CKAP2L: variants seen among roughly 807,000 people sequenced by gnomAD.
The protein encoded by CKAP2L is cytoskeleton-associated protein 2-like.
In CKAP2L, 42 loss-of-function variants were observed where a neutral mutation model predicts 65.7. The observed-to-expected ratio is 0.64, with a 90% CI of 0.50 to 0.83. The LOEUF (loss-of-function observed/expected upper bound fraction) is 0.83, where lower values mean the gene tolerates loss of function less well. Ranked by LOEUF, CKAP2L falls within the 40% of genes least tolerant of loss-of-function variation. The pLI, the probability that CKAP2L is intolerant of heterozygous loss-of-function variation, is 0.00. For synonymous variants in CKAP2L, 325 were observed against 313.5 expected (o/e 1.04, Z -0.39); for missense variants, 908 against 871.0 (o/e 1.04, Z -0.53).
intron 5 of CKAP2L, 94 bp from the exon 6 acceptor site, chr2:112,746,669 G>T: frequency 1.1e-6 from 1 of 925,024 alleles, no homozygotes; most frequent in Admixed American, 2.6e-5. Context: ...TGCAGAAATT[G>T]GTTTGATCAC....
chr2:112,750,077 C>G (rs1233213225), intron 5 of CKAP2L, among the ~76,000 whole-genome samples: 1 of 152,192 alleles, frequency 6.6e-6, no homozygotes, highest in Non-Finnish European at 1.5e-5. Context: ...TCTCCTCCAT[C>G]ATCTGCTGGG....
intron 3 of CKAP2L, among the ~76,000 whole-genome samples, chr2:112,757,875 C>T (rs2104886836): frequency 6.6e-6 from 1 of 152,308 alleles, no homozygotes; most frequent in Middle Eastern, 3.4e-3. Flanking sequence ...TGAAAAAATA[C>T]ATACATAATG....
intron 3 of CKAP2L, among the ~76,000 whole-genome samples, chr2:112,760,202 T>C (rs1036365075): frequency 1.3e-5 from 2 of 152,210 alleles, no homozygotes; most frequent in African/African-American, 4.8e-5. Context: ...AGGAAGCATA[T>C]ACTTGTTAAG....
In CKAP2L at chr2:112,736,436, T is replaced by C. The variant is rs952923305; in HGVS notation, c.*2387A>G. ...CATATAGATAATAAAATGGCTGCTA[T>C]AGTGAAGCAGATTAACATTATCATC... On this transcript the variant is annotated 3_prime_UTR_variant, in exon 9 of 9. Coordinates refer to ENST00000302450, the MANE Select transcript of CKAP2L (RefSeq NM_152515.5). Among the ~76,000 whole-genome samples, 2 of 151,620 alleles carry C rather than the reference T, an allele frequency of 1.3e-5. No homozygotes were observed. Among genetic ancestry groups the C allele is most frequent in the Admixed American group, 6.5e-5 (1 of 15,276 alleles).
At chr2:112,742,859 A>T in intron 6 of CKAP2L, 90 bp from the exon 7 acceptor site, 1 of 820,006 alleles carries the variant, frequency 1.2e-6, no homozygotes, top group Non-Finnish European at 2.0e-6. Context: ...CATGTTTTAT[A>T]ATAAAAGTTT....
intron 6 of CKAP2L, among the ~76,000 whole-genome samples, chr2:112,745,050 G>C (rs1680162274): frequency 6.6e-6 from 1 of 152,160 alleles, no homozygotes; most frequent in Non-Finnish European, 1.5e-5. Context: ...ACTTAAGAAG[G>C]ATGTAAAGGG....
chr2:112,743,050 T>G (rs541138700), intron 6 of CKAP2L, among the ~76,000 whole-genome samples: 5 of 152,226 alleles, frequency 3.3e-5, no homozygotes, highest in Non-Finnish European at 5.9e-5. Context: ...ATTTTCCTAT[T>G]GATTTGTATA....
chr2:112,754,367 C>CCCT (rs1453351692), intron 4 of CKAP2L, among the ~76,000 whole-genome samples: 2 of 152,140 alleles, frequency 1.3e-5, no homozygotes, highest in African/African-American at 4.8e-5. Context: ...AAATACTGCC[C>CCCT]CCTCACCTTC....
At chr2:112,741,963 T>C (rs1680004016) in intron 7 of CKAP2L, among the ~76,000 whole-genome samples, 1 of 148,354 alleles carries the variant, frequency 6.7e-6, no homozygotes, top group Non-Finnish European at 1.5e-5. Flanking sequence ...TTTTTTTTTT[T>C]TTTTAAAGAC....
Position 112,756,871 on chromosome 2 carries a change from T to G in CKAP2L, c.500A>C (p.Asn167Thr). The change falls in exon 4 of 9, where the codon AAT (asparagine) becomes ACT (threonine). Residue 167 changes from asparagine (N) to threonine (T), a missense_variant. Physicochemically the swap from Asn to Thr is moderately conservative, Grantham distance 65. Transcript: ENST00000302450. ...AGATTCGTTTTCAACATGGATATTA[T>G]TCATAAAGTCTATACATTTACCATT... ...QGNGKCIDFM[N>T]NIHVENESLD... 1 of 1,609,272 alleles carries G rather than the reference T, an allele frequency of 6.2e-7. No individual in the cohort carries two copies. Among genetic ancestry groups the G allele is most frequent in the South Asian group, 1.1e-5 (1 of 89,830 alleles).
At chr2:112,761,199 G>A (rs985211208) in intron 2 of CKAP2L, among the ~76,000 whole-genome samples, 1 of 151,910 alleles carries the variant, frequency 6.6e-6, no homozygotes, top group African/African-American at 2.4e-5. Context: ...AGTGGCTCAC[G>A]CCTGTAATCC....
chr2:112,760,137 CTT>C (rs1339655802), intron 3 of CKAP2L, among the ~76,000 whole-genome samples: 1 of 152,078 alleles, frequency 6.6e-6, no homozygotes, highest in Non-Finnish European at 1.5e-5. Flanking sequence ...TCCATTTAAA[CTT>C]TAAGTTAAGG....
chr2:112,741,082 AATAC>A (rs1679916647), intron 7 of CKAP2L, 75 bp from the exon 8 acceptor site: 3 of 926,038 alleles, frequency 3.2e-6, no homozygotes, highest in Middle Eastern at 2.9e-4. Context: ...TAACATGAAA[AATAC>A]ATACATACAA....
chr2:112,761,189 A>T (rs1462294833), intron 2 of CKAP2L, among the ~76,000 whole-genome samples: 2 of 152,098 alleles, frequency 1.3e-5, no homozygotes, highest in Admixed American at 1.3e-4. Context: ...GGCTGGGCGT[A>T]GTGGCTCACG....
At position 112,756,147 on chromosome 2, in the gene CKAP2L, ATTG is replaced by A; in HGVS notation, c.1221_1223del (p.Asn409del). On this transcript the variant is annotated inframe_deletion, in exon 4 of 9. Transcript: ENST00000302450. ...TCTGTGCTTTTTGCTGAAAGCCATT[ATTG>A]TTATGTTTATTACCACTGGTTCCAT... The A allele has an allele frequency of 1.9e-6, 3 of 1,614,034 alleles. No individual in the cohort carries two copies. The highest frequency in any genetic ancestry group is 1.3e-5 in the African/African-American group (1 of 75,010).
rs753007771 is a variant in CKAP2L, at chr2:112,752,278, G to A, written c.1591C>T (p.Leu531Phe). ...INNTLTECLN[L>F]IEGGVPSNEI... ...TCTTCTTCACTTACCCCTTCGATGA[G>A]GTTCAGACATTCTGTCAGAGTGTTG... Residue 531 changes from leucine (L) to phenylalanine (F), a missense_variant, in exon 5 of 9, where the codon CTC becomes TTC. Coordinates refer to ENST00000302450, the MANE Select transcript of CKAP2L (RefSeq NM_152515.5). 8 of 1,612,786 alleles carry A rather than the reference G, an allele frequency of 5.0e-6. No homozygotes were observed. The South Asian group carries it at 7.7e-5, about 16-fold the overall frequency.
At chr2:112,748,203 G>T (rs1234478472) in intron 5 of CKAP2L, among the ~76,000 whole-genome samples, 1 of 152,160 alleles carries the variant, frequency 6.6e-6, no homozygotes, top group East Asian at 1.9e-4. Context: ...AAGGCTCTCA[G>T]ATAGTTAAGC....
At position 112,740,760 on chromosome 2, in the gene CKAP2L, C is replaced by T. The variant is rs17042317; in HGVS notation, c.2012+58G>A. ...TACTCTAGATCTGTGAAGGAAAAAT[C>T]GAGACTTGGACTAGAATTAAGTCTG... is the stretch of plus-strand genomic sequence containing the variant. On this transcript the variant is annotated intron_variant, in intron 8 of 8. Coordinates refer to ENST00000302450, the MANE Select transcript of CKAP2L (RefSeq NM_152515.5). 6.6e-3 allele frequency: 9,283 copies of T among 1,406,586 alleles called. 496 individuals are homozygous for T. In the African/African-American group the frequency reaches 0.12, roughly 18 times the overall value. The allele number at this position is 1,406,586 out of a possible 1,614,324, so 87.1% of individuals were successfully genotyped here.
At chr2:112,741,431 T>C (rs754686012) in intron 7 of CKAP2L, among the ~76,000 whole-genome samples, 2 of 152,192 alleles carry the variant, frequency 1.3e-5, no homozygotes, top group Admixed American at 1.3e-4. Flanking sequence ...GATGACCACA[T>C]GGTTACTGCC....
Sources: allele counts gnomAD v4.1 joint callset (sites outside exome capture counted in the v4.1 genomes callset), GRCh38; gene constraint gnomAD v4.1.1; transcripts MANE v1.5; gene names NCBI Gene and HGNC (gene_info 2026-07-23, HGNC 2026-07-21).